The following JARID2 variants were observed in gnomAD, a reference collection of about 807,000 sequenced individuals.
The protein encoded by JARID2 is protein Jumonji.
Under a neutral mutation model 125.6 loss-of-function variants are expected in JARID2, and 21 were observed. The ratio of observed to expected loss-of-function variants is 0.17; its 90% CI spans 0.12 to 0.24. The LOEUF (loss-of-function observed/expected upper bound fraction) is 0.24, where lower values mean the gene tolerates loss of function less well. Among genes scored for constraint, JARID2 ranks in the 10% least tolerant of loss-of-function variants. The probability of loss-of-function intolerance (pLI) is 1.00; values close to 1 mark genes in which losing one functional copy is unlikely to be tolerated. For synonymous variants in JARID2, 736 were observed against 661.6 expected, an observed-to-expected ratio of 1.11 and a Z score of -1.73; for missense variants, 1,303 against 1,639.6, an observed-to-expected ratio of 0.79 and a Z score of 3.55.
chr6:15,507,379 C>T lies in JARID2; in HGVS notation c.2694C>T (p.Asn898=), dbSNP rs779438270. The T allele has an allele frequency of 1.9e-6, 3 of 1,614,152 alleles. No individual in the cohort carries two copies. In the South Asian group the frequency reaches 3.3e-5, roughly 18 times the overall value. ...GGAACCTCACCGTCCTCCCCAATAA[C>T]ACAGGGTCCATCCTGCGTCACCTCG... ...HGWNLTVLPN[N]TGSILRHLGA... Residue 898 remains asparagine (N), a synonymous_variant, in exon 11 of 18, where the codon AAC becomes AAT. Transcript: ENST00000341776.
At chr6:15,300,449 T>C (rs902920147) in intron 1 of JARID2, among the ~76,000 whole-genome samples, 1 of 152,178 alleles carries the variant, frequency 6.6e-6, no homozygotes, top group Non-Finnish European at 1.5e-5. Context: ...AACCTTCCCC[T>C]CCCATCTTCC....
At chr6:15,443,087 TAA>T (rs60513458) in intron 3 of JARID2, among the ~76,000 whole-genome samples, 1 of 145,108 alleles carries the variant, frequency 6.9e-6, no homozygotes, top group African/African-American at 2.5e-5. Context: ...TCCCTGGAAT[TAA>T]AAAAAAAAAA....
At chr6:15,507,307 C>T (rs200060971) in intron 10 of JARID2, 39 bp from the exon 11 acceptor site, 21 of 1,607,356 alleles carry the variant, frequency 1.3e-5, no homozygotes, top group Middle Eastern at 3.3e-4. Context: ...GCATCCTTTC[C>T]CCGCCAGTTT....
chr6:15,296,817 C>T (rs544394350), intron 1 of JARID2, among the ~76,000 whole-genome samples: 12 of 152,352 alleles, frequency 7.9e-5, no homozygotes, highest in African/African-American at 2.9e-4. Flanking sequence ...TCCCAGCCCC[C>T]TGTCTTGATC....
chr6:15,320,214 G>A (rs1762306151), intron 1 of JARID2, among the ~76,000 whole-genome samples: 1 of 152,198 alleles, frequency 6.6e-6, no homozygotes, highest in African/African-American at 2.4e-5. Context: ...AATGGAAAAT[G>A]TATTACAGTG....
At chr6:15,268,360 A>T (rs961567018) in intron 1 of JARID2, among the ~76,000 whole-genome samples, 1 of 152,254 alleles carries the variant, frequency 6.6e-6, no homozygotes, top group Non-Finnish European at 1.5e-5. Context: ...AGTGCAGCTT[A>T]ACGCCAGGAC....
At chr6:15,458,285 G>C (rs1306669260) in intron 4 of JARID2, among the ~76,000 whole-genome samples, 1 of 152,052 alleles carries the variant, frequency 6.6e-6, no homozygotes, top group Non-Finnish European at 1.5e-5. Flanking sequence ...TCCTCTTTAC[G>C]GGGCACTGCA....
At chr6:15,476,958 G>T (rs1195102083) in intron 5 of JARID2, among the ~76,000 whole-genome samples, 1 of 152,212 alleles carries the variant, frequency 6.6e-6, no homozygotes, top group African/African-American at 2.4e-5. Flanking sequence ...CTTTTTGAGT[G>T]CTTTGAGGAG....
At chr6:15,280,538 T>C (rs1760710322) in intron 1 of JARID2, among the ~76,000 whole-genome samples, 1 of 152,162 alleles carries the variant, frequency 6.6e-6, no homozygotes, top group African/African-American at 2.4e-5. Flanking sequence ...ATAGGGTGTT[T>C]GAATCCATGT....
chr6:15,292,345 T>G (rs1283359283), intron 1 of JARID2, among the ~76,000 whole-genome samples: 1 of 152,156 alleles, frequency 6.6e-6, no homozygotes, highest in Non-Finnish European at 1.5e-5. Context: ...GATTTCTGTG[T>G]CCTTTTTTTC....
chr6:15,337,713 T>A (rs1269845309), intron 1 of JARID2, among the ~76,000 whole-genome samples: 1 of 152,078 alleles, frequency 6.6e-6, no homozygotes, highest in Non-Finnish European at 1.5e-5. Context: ...GTTTCTCTCT[T>A]TTTTTCCTTT....
chr6:15,396,468 G>T (rs927187864), intron 2 of JARID2, among the ~76,000 whole-genome samples: 3 of 152,140 alleles, frequency 2.0e-5, no homozygotes, highest in Non-Finnish European at 2.9e-5. Flanking sequence ...AAATAAGTCA[G>T]TATTTTTTAA....
chr6:15,436,657 A>C (rs1767217477), intron 3 of JARID2, among the ~76,000 whole-genome samples: 2 of 152,036 alleles, frequency 1.3e-5, no homozygotes, highest in Non-Finnish European at 2.9e-5. Flanking sequence ...CTTCCCTATC[A>C]TTTAAAGGGA....
intron 4 of JARID2, among the ~76,000 whole-genome samples, chr6:15,456,878 C>CTTT (rs71535043): frequency 0.14 from 13,640 of 95,368 alleles, 1,631 homozygotes; most frequent in East Asian, 0.2. Context: ...GGATGTTAAG[C>CTTT]TTTTTTTTTT....
At chr6:15,255,135 A>ATT (rs1759611783) in intron 1 of JARID2, among the ~76,000 whole-genome samples, 2 of 145,086 alleles carry the variant, frequency 1.4e-5, no homozygotes, top group Non-Finnish European at 3.0e-5. Context: ...TAAACTAGGA[A>ATT]TTCTTTTTTT....
At chr6:15,460,499 CAG>C (rs1768391380) in intron 4 of JARID2, among the ~76,000 whole-genome samples, 1 of 152,150 alleles carries the variant, frequency 6.6e-6, no homozygotes, top group Non-Finnish European at 1.5e-5. Context: ...TTAAGTATGG[CAG>C]TGCTGTTTTG....
At chr6:15,296,819 G>A (rs1030934742) in intron 1 of JARID2, among the ~76,000 whole-genome samples, 19 of 152,174 alleles carry the variant, frequency 1.2e-4, no homozygotes, top group Admixed American at 6.5e-4. Context: ...CCAGCCCCCT[G>A]TCTTGATCAC....
chr6:15,293,486 C>A (rs906018978), intron 1 of JARID2, among the ~76,000 whole-genome samples: 2 of 152,156 alleles, frequency 1.3e-5, no homozygotes, highest in Non-Finnish European at 2.9e-5. Context: ...AATTTTTGAA[C>A]GGATGTTGTA....
chr6:15,516,936 CT>C (rs1289222879), intron 16 of JARID2, among the ~76,000 whole-genome samples: 1 of 152,208 alleles, frequency 6.6e-6, no homozygotes, highest in Non-Finnish European at 1.5e-5. Flanking sequence ...AGTTACTCAC[CT>C]TCCTAGTTGA....
Sources: gnomAD v4.1 joint callset for allele counts (sites outside exome capture counted in the v4.1 genomes callset) on GRCh38, gnomAD v4.1.1 for gene constraint, MANE v1.5 for transcripts, NCBI Gene and HGNC (gene_info 2026-07-23, HGNC 2026-07-21) for gene names.